The following MGRN1 variants were observed in gnomAD, a reference collection of about 807,000 sequenced individuals.
MGRN1 encodes the protein E3 ubiquitin-protein ligase MGRN1.
Under a neutral mutation model 69.2 loss-of-function variants are expected in MGRN1, and 29 were observed. The ratio of observed to expected loss-of-function variants is 0.42; its 90% CI spans 0.31 to 0.57. The LOEUF is 0.57. Ranked by LOEUF, MGRN1 falls within the 20% of genes least tolerant of loss-of-function variation. The probability of loss-of-function intolerance (pLI) is 0.15; values close to 1 mark genes in which losing one functional copy is unlikely to be tolerated. For synonymous variants in MGRN1, 470 were observed against 344.2 expected, an observed-to-expected ratio of 1.37 and a Z score of -4.04; for missense variants, 998 against 796.2, an observed-to-expected ratio of 1.25 and a Z score of -3.05.
intron 16 of MGRN1, among the ~76,000 whole-genome samples, chr16:4,684,639 C>T (rs774885008): frequency 6.6e-6 from 1 of 152,384 alleles, no homozygotes; most frequent in Admixed American, 6.5e-5. Context: ...GGGCCCCAGA[C>T]CCCATCAGCC....
chr16:4,663,466 A>T (rs1483268203), intron 5 of MGRN1, among the ~76,000 whole-genome samples: 1 of 145,590 alleles, frequency 6.9e-6, no homozygotes, highest in Non-Finnish European at 1.5e-5. Flanking sequence ...GGCTTTTAGA[A>T]TGCTCACAGT....
chr16:4,678,797 A>G (rs2079111308), intron 11 of MGRN1, among the ~76,000 whole-genome samples: 1 of 152,238 alleles, frequency 6.6e-6, no homozygotes, highest in South Asian at 2.1e-4. Context: ...CTAAACAGAA[A>G]AGAGGAGCAG....
At chr16:4,683,816 G>A (rs2079244998) in intron 15 of MGRN1, 27 bp from the exon 16 acceptor site, 1 of 1,607,370 alleles carries the variant, frequency 6.2e-7, no homozygotes. Flanking sequence ...CTGCCTGTAG[G>A]TCCCTAACCT....
At chr16:4,642,544 T>C (rs944538765) in intron 1 of MGRN1, among the ~76,000 whole-genome samples, 1 of 151,672 alleles carries the variant, frequency 6.6e-6, no homozygotes, top group Non-Finnish European at 1.5e-5. Context: ...CAGACTGGTC[T>C]TAAACTCCTG....
At position 4,677,047 on chromosome 16, in the gene MGRN1, G is replaced by A. The variant is rs147535575; in HGVS notation, c.956-416G>A. 17 of 159,810 alleles carry A rather than the reference G, an allele frequency of 1.1e-4. No homozygotes were observed. The East Asian group carries it at 2.0e-3, about 19-fold the overall frequency. 9.9% of individuals were successfully genotyped at this position (159,810 alleles called of 1,614,324 possible). ...CTGATTTGCAGTCACGTCCTGTCTC[G>A]GGTGCAGCCTGGAGCTTCAGGGGTG... On this transcript the variant is annotated intron_variant, in intron 10 of 16. Transcript: ENST00000262370.
intron 8 of MGRN1, 47 bp from the exon 9 acceptor site, chr16:4,671,344 C>T (rs761543086): frequency 1.9e-6 from 3 of 1,594,406 alleles, no homozygotes; most frequent in South Asian, 1.1e-5. Context: ...GAGGAGCCCT[C>T]ATATGGCAGT....
At chr16:4,671,790 C>T (rs1011178569) in intron 9 of MGRN1, among the ~76,000 whole-genome samples, 20 of 152,206 alleles carry the variant, frequency 1.3e-4, no homozygotes, top group Non-Finnish European at 2.2e-4. Context: ...CAGCACGTCC[C>T]TGCAGCTCCT....
intron 1 of MGRN1, among the ~76,000 whole-genome samples, chr16:4,643,403 AT>A (rs34438924): frequency 0.1 from 11,237 of 109,802 alleles, 577 homozygotes; most frequent in Middle Eastern, 0.25. Flanking sequence ...GCCTTGCTTG[AT>A]TTTTTTTTTT....
intron 11 of MGRN1, among the ~76,000 whole-genome samples, chr16:4,677,850 T>TC (rs2141965016): frequency 6.7e-6 from 1 of 148,746 alleles, no homozygotes; most frequent in Non-Finnish European, 1.5e-5. Flanking sequence ...TTTTTTTTTT[T>TC]TTTTCTTTTT....
chr16:4,658,541 A>AG (rs34636732), intron 5 of MGRN1, among the ~76,000 whole-genome samples: 60,622 of 150,548 alleles, frequency 0.4, 13,426 homozygotes, highest in East Asian at 0.63. Context: ...GTCTCAGAAA[A>AG]AAAAAAAACA....
rs1013189788 is a variant in MGRN1 at position 4,624,875 on chromosome 16, G to C, written c.-86G>C. The C allele has an allele frequency of 4.8e-6, 6 of 1,238,938 alleles. No homozygotes were observed. Among genetic ancestry groups the C allele is most frequent in the Non-Finnish European group, 6.6e-6 (6 of 913,296 alleles). 76.7% of individuals were successfully genotyped at this position (1,238,938 alleles called of 1,614,324 possible). A position where few individuals can be genotyped will look rare whatever the true frequency, so the allele number is the denominator to read the frequency against. ...CGTGGACGAGCGTCCGTGCGGCCTG[G>C]TCCGGGCCATGTCCGCGTGAGGACC... is the stretch of plus-strand genomic sequence containing the variant. On this transcript the variant is annotated 5_prime_UTR_variant, in exon 1 of 17. Transcript: ENST00000262370.
intron 16 of MGRN1, chr16:4,687,886 C>G (rs1333936818): frequency 6.1e-6 from 6 of 985,442 alleles, no homozygotes; most frequent in Non-Finnish European, 7.2e-6. Context: ...CAGCGAGTCC[C>G]TCTGTTGACC....
At chr16:4,667,454 T>A (rs1453628194) in intron 7 of MGRN1, among the ~76,000 whole-genome samples, 1 of 152,190 alleles carries the variant, frequency 6.6e-6, no homozygotes, top group Non-Finnish European at 1.5e-5. Flanking sequence ...CCCGGACTCG[T>A]CAGAAGCCAC....
intron 8 of MGRN1, among the ~76,000 whole-genome samples, chr16:4,671,129 G>A (rs746170067): frequency 2.0e-5 from 3 of 152,126 alleles, no homozygotes; most frequent in Non-Finnish European, 4.4e-5. Context: ...CGGTCAGGGG[G>A]TGGTGGTTGG....
chr16:4,648,345 A>G lies in MGRN1; in HGVS notation c.89-2020A>G, dbSNP rs112877367. ...GGTCACCCGGCTCCTCCTCTCGGGGACTCTTCCCGTGGTCACCCGGCTCCT... is the reference window on the plus strand; with the variant it reads ...GGTCACCCGGCTCCTCCTCTCGGGGGCTCTTCCCGTGGTCACCCGGCTCCT... On this transcript the variant is annotated intron_variant, in intron 1 of 16. Coordinates refer to ENST00000262370, the MANE Select transcript of MGRN1 (RefSeq NM_015246.4). Among the ~76,000 whole-genome samples, 335 of 64,008 alleles carry G rather than the reference A, an allele frequency of 5.2e-3. 10 individuals carry two copies. Among genetic ancestry groups the G allele is most frequent in the African/African-American group, 0.02 (216 of 10,954 alleles). The allele number at this position is 64,008 out of a possible 152,430, so 42.0% of individuals were successfully genotyped here. A position where few individuals can be genotyped will look rare whatever the true frequency, so the allele number is the denominator to read the frequency against.
intron 10 of MGRN1, among the ~76,000 whole-genome samples, chr16:4,674,726 C>G (rs1394593430): frequency 7.7e-4 from 112 of 145,274 alleles, no homozygotes; most frequent in South Asian, 2.4e-3. Flanking sequence ...CTGCAAGCTC[C>G]GCTTCCCGGG....
At chr16:4,686,797 T>C (rs1215945912) in intron 16 of MGRN1, 1 of 988,694 alleles carries the variant, frequency 1.0e-6, no homozygotes. Flanking sequence ...GCAGACACGT[T>C]AGGACGCTCA....
At chr16:4,655,532 C>A (rs1311450234) in intron 4 of MGRN1, among the ~76,000 whole-genome samples, 2 of 152,052 alleles carry the variant, frequency 1.3e-5, no homozygotes, top group Non-Finnish European at 2.9e-5. Context: ...GCTTCCCCTC[C>A]CAGCGGGGAT....
chr16:4,635,983 G>A (rs1898269141), intron 1 of MGRN1, among the ~76,000 whole-genome samples: 1 of 144,074 alleles, frequency 6.9e-6, no homozygotes, highest in East Asian at 2.0e-4. Flanking sequence ...TTTTTTTTAA[G>A]TAGAGACAGG....
Sources: gnomAD v4.1 joint callset for allele counts (sites outside exome capture counted in the v4.1 genomes callset) on GRCh38, gnomAD v4.1.1 for gene constraint, MANE v1.5 for transcripts, NCBI Gene and HGNC (gene_info 2026-07-23, HGNC 2026-07-21) for gene names.